Variants in RB1 observed in about 807,000 individuals in gnomAD.
RB1 encodes RB transcriptional corepressor 1.
In RB1, 18 loss-of-function variants were observed where a neutral mutation model predicts 135.4. The observed-to-expected ratio is 0.13, with a 90% confidence interval of 0.09 to 0.20. RB1 has a LOEUF of 0.20. RB1 is among the 10% of genes least tolerant of loss of function. The probability of loss-of-function intolerance (pLI) is 1.00; values close to 1 mark genes in which losing one functional copy is unlikely to be tolerated. For missense variants in RB1, 868 were observed against 1,110.0 expected, an observed-to-expected ratio of 0.78 and a Z score of 3.10; for synonymous variants, 365 against 373.2, an observed-to-expected ratio of 0.98 and a Z score of 0.25.
chr13:48,417,153 G>A (rs893255929), intron 17 of RB1: 3 of 152,466 alleles, frequency 2.0e-5, no homozygotes, highest in South Asian at 2.1e-4. Flanking sequence ...AGCAGGAATC[G>A]ACAGACAACT....
intron 5 of RB1, among the ~76,000 whole-genome samples, 160 bp downstream of exon 5, chr13:48,348,023 C>T (rs1952513708): frequency 6.6e-6 from 1 of 151,786 alleles, no homozygotes. Context: ...TTTATCTTCT[C>T]ACAAAGAAAA....
At chr13:48,421,290 G>A (rs1949001365) in intron 17 of RB1, among the ~76,000 whole-genome samples, 1 of 152,070 alleles carries the variant, frequency 6.6e-6, no homozygotes, top group Non-Finnish European at 1.5e-5. Context: ...TTAATAAATG[G>A]TGTTGGGAAA....
At chr13:48,479,756 G>A (rs1949526380) in intron 26 of RB1, among the ~76,000 whole-genome samples, 1 of 151,884 alleles carries the variant, frequency 6.6e-6, no homozygotes, top group African/African-American at 2.4e-5. Flanking sequence ...CAGGGTTATT[G>A]GGATATATAT....
At chr13:48,372,261 G>A (rs1227149844) in intron 11 of RB1, among the ~76,000 whole-genome samples, 1 of 152,208 alleles carries the variant, frequency 6.6e-6, no homozygotes, top group Non-Finnish European at 1.5e-5. Context: ...TAGAACAAAT[G>A]AGAAAAGTCT....
At chr13:48,347,154 C>T (rs1285834455) in intron 4 of RB1, among the ~76,000 whole-genome samples, 1 of 151,962 alleles carries the variant, frequency 6.6e-6, no homozygotes, top group African/African-American at 2.4e-5. Context: ...CAAAGCATTA[C>T]ATTGTATATG....
intron 2 of RB1, among the ~76,000 whole-genome samples, chr13:48,321,264 T>C (rs1469672359): frequency 2.6e-5 from 4 of 151,814 alleles, no homozygotes; most frequent in Non-Finnish European, 5.9e-5. Flanking sequence ...CTTTTTGATA[T>C]TCCACATATA....
intron 9 of RB1, among the ~76,000 whole-genome samples, chr13:48,365,346 A>G (rs914632760): frequency 2.0e-5 from 3 of 152,218 alleles, no homozygotes; most frequent in African/African-American, 2.4e-5. Flanking sequence ...TAATGCCATC[A>G]ACATTATTGG....
chr13:48,345,067 C>T lies in RB1; in HGVS notation c.381-13C>T, dbSNP rs1207100014. 6.2e-7 allele frequency: 1 copy of T among 1,605,936 alleles called. No homozygotes were observed. Among genetic ancestry groups the T allele is most frequent in the Non-Finnish European group, 8.5e-7 (1 of 1,176,228 alleles). Reference sequence around the variant, plus strand: ...GGTTACTGATTTACTTTTTTCTATTCTTTCCTTTGTAGTGTCCATAAATTC... The same window carrying T: ...GGTTACTGATTTACTTTTTTCTATTTTTTCCTTTGTAGTGTCCATAAATTC... On this transcript the variant is annotated splice_polypyrimidine_tract_variant and intron_variant, in intron 3 of 26. Coordinates refer to ENST00000267163, the MANE Select transcript of RB1 (RefSeq NM_000321.3).
chr13:48,419,247 C>G lies in RB1; in HGVS notation c.1696-33746C>G, dbSNP rs143431157. Among the ~76,000 whole-genome samples, 957 of 152,308 alleles carry G rather than the reference C, an allele frequency of 6.3e-3. 12 individuals carry two copies. The highest frequency in any genetic ancestry group is 0.022 in the African/African-American group (910 of 41,574). The stretch of plus-strand genomic sequence containing the variant: ...ATTAAGAAACTCACTCAAACCTGCA[C>G]AACTGCATGGAAACTGAACAACCTG... On this transcript the variant is annotated intron_variant, in intron 17 of 26. Transcript: ENST00000267163.
intron 6 of RB1, among the ~76,000 whole-genome samples, chr13:48,358,136 A>G (rs180909258): frequency 7.4e-4 from 113 of 152,282 alleles, no homozygotes; most frequent in African/African-American, 2.7e-3. Context: ...AACTGGAGTT[A>G]TCACTCAAAT....
Position 48,453,123 on chromosome 13 carries a change from A to G in RB1, c.1814+12A>G, listed in dbSNP as rs1415028405. 6.2e-7 allele frequency: 1 copy of G among 1,606,924 alleles called. No individual in the cohort carries two copies. Among genetic ancestry groups the G allele is most frequent in the Non-Finnish European group, 8.5e-7 (1 of 1,175,970 alleles). ...ACTGCAGCAGATATGTAAGCAAAAT[A>G]TATGTTATGTTGACCATTCAAACTG... On this transcript the variant is annotated intron_variant, in intron 18 of 26. Transcript: ENST00000267163.
chr13:48,308,869 G>A (rs1042987447), intron 2 of RB1, among the ~76,000 whole-genome samples: 3 of 152,062 alleles, frequency 2.0e-5, no homozygotes, highest in Non-Finnish European at 4.4e-5. Flanking sequence ...ATGTAGTTAT[G>A]TATAGTTACC....
chr13:48,345,543 G>C (rs937174602), intron 4 of RB1, among the ~76,000 whole-genome samples: 1 of 152,122 alleles, frequency 6.6e-6, no homozygotes, highest in Non-Finnish European at 1.5e-5. Flanking sequence ...GTGTTATTTA[G>C]TTTGGAACGA....
At position 48,431,496 on chromosome 13, in the gene RB1, G is replaced by A. The variant is rs180898328; in HGVS notation, c.1696-21497G>A. Among the ~76,000 whole-genome samples, 326 of 152,286 alleles carry A rather than the reference G, an allele frequency of 2.1e-3. 2 individuals carry two copies. The highest frequency in any genetic ancestry group is 7.2e-3 in the South Asian group (35 of 4,830). ...AACAGATACTGATACTCAAAGGTAAGGAAGAATTATTGGTATGATTCTAAG... is the reference window on the plus strand; with the variant it reads ...AACAGATACTGATACTCAAAGGTAAAGAAGAATTATTGGTATGATTCTAAG... On this transcript the variant is annotated intron_variant, in intron 17 of 26. Coordinates refer to ENST00000267163, the MANE Select transcript of RB1 (RefSeq NM_000321.3).
At position 48,465,129 on chromosome 13, in the gene RB1, TTTGA is replaced by T. The variant is rs749459609; in HGVS notation, c.2325+22_2325+25del. 3 of 1,613,646 alleles carry T rather than the reference TTTGA, an allele frequency of 1.9e-6. No individual in the cohort carries two copies. The South Asian group carries it at 3.3e-5, about 18-fold the overall frequency. On this transcript the variant is annotated intron_variant, in intron 22 of 26. Coordinates refer to ENST00000267163, the MANE Select transcript of RB1 (RefSeq NM_000321.3). ...CCACCAGGGTAGGTCAAAAGTATCC[TTTGA>T]TTGGAAAAATCTAATGTAATGGGTC...
At chr13:48,370,492 C>G (rs989681823) in intron 11 of RB1, among the ~76,000 whole-genome samples, 1 of 152,252 alleles carries the variant, frequency 6.6e-6, no homozygotes, top group East Asian at 1.9e-4. Context: ...AGTTGGGGTT[C>G]CCATGACACC....
At chr13:48,438,307 G>A (rs1949204083) in intron 17 of RB1, among the ~76,000 whole-genome samples, 1 of 152,078 alleles carries the variant, frequency 6.6e-6, no homozygotes, top group Admixed American at 6.6e-5. Context: ...TTATAGATTA[G>A]CTGCATGAAG....
At chr13:48,407,107 A>G (rs1030538370) in intron 17 of RB1, among the ~76,000 whole-genome samples, 1 of 152,202 alleles carries the variant, frequency 6.6e-6, no homozygotes, top group Non-Finnish European at 1.5e-5. Context: ...CATTTACCCC[A>G]TGGCTATTAA....
intron 12 of RB1, among the ~76,000 whole-genome samples, chr13:48,374,539 G>A (rs978327863): frequency 6.6e-6 from 1 of 152,130 alleles, no homozygotes; most frequent in African/African-American, 2.4e-5. Flanking sequence ...CATCATGTTC[G>A]TAATTGTTTT....
Sources: allele counts gnomAD v4.1 joint callset (sites outside exome capture counted in the v4.1 genomes callset), GRCh38; gene constraint gnomAD v4.1.1; transcripts MANE v1.5; gene names NCBI Gene and HGNC (gene_info 2026-07-23, HGNC 2026-07-21).